AK5: variants seen among roughly 807,000 people sequenced by gnomAD.
AK5 encodes adenylate kinase 5.
A neutral mutation model predicts 69.5 loss-of-function variants in AK5; 27 were observed. The ratio of observed to expected loss-of-function variants is 0.39; its 90% CI spans 0.29 to 0.54. The LOEUF (loss-of-function observed/expected upper bound fraction) is 0.54. Among genes scored for constraint, AK5 ranks in the 20% least tolerant of loss-of-function variants. The pLI is 0.71. For synonymous variants in AK5, 260 were observed against 244.4 expected (o/e 1.06, Z -0.60); for missense variants, 531 against 700.4 (o/e 0.76, Z 2.73).
chr1:77,370,346 AACAG>A (rs1647096896), intron 6 of AK5, among the ~76,000 whole-genome samples: 1 of 152,194 alleles, frequency 6.6e-6, no homozygotes, highest in Admixed American at 6.5e-5. Flanking sequence ...GGAAGCAACT[AACAG>A]ACAAACTCTG....
chr1:77,475,997 A>T (rs1366337867), intron 8 of AK5, among the ~76,000 whole-genome samples: 1 of 152,180 alleles, frequency 6.6e-6, no homozygotes, highest in African/African-American at 2.4e-5. Context: ...TTCTTATTAG[A>T]GACACTAATA....
intron 8 of AK5, among the ~76,000 whole-genome samples, chr1:77,443,198 C>T (rs1222622550): frequency 1.3e-5 from 2 of 152,140 alleles, no homozygotes; most frequent in Admixed American, 6.6e-5. Flanking sequence ...GTATCTCTTA[C>T]TCAAAATTAT....
chr1:77,331,107 C>T (rs1390835819), intron 5 of AK5, among the ~76,000 whole-genome samples: 1 of 151,976 alleles, frequency 6.6e-6, no homozygotes, highest in East Asian at 1.9e-4. Context: ...GCTAAATTTG[C>T]ATATTCTAAT....
intron 6 of AK5, chr1:77,349,370 A>G (rs1050011402): frequency 2.6e-5 from 4 of 152,214 alleles, no homozygotes; most frequent in African/African-American, 9.6e-5. Flanking sequence ...TGGGGCAGAT[A>G]CTATTATTAT....
At chr1:77,408,432 T>C (rs1557569097) in intron 6 of AK5, among the ~76,000 whole-genome samples, 1 of 152,180 alleles carries the variant, frequency 6.6e-6, no homozygotes, top group Non-Finnish European at 1.5e-5. Context: ...AAGTCTTTTT[T>C]TGAGAAGTGT....
chr1:77,398,929 T>C (rs939101395), intron 6 of AK5, among the ~76,000 whole-genome samples: 5 of 152,108 alleles, frequency 3.3e-5, no homozygotes, highest in African/African-American at 1.2e-4. Context: ...ATTCTAAAAG[T>C]TTATTTATTT....
intron 10 of AK5, among the ~76,000 whole-genome samples, chr1:77,500,899 C>T (rs1656680614): frequency 6.6e-6 from 1 of 152,112 alleles, no homozygotes; most frequent in Admixed American, 6.5e-5. Context: ...TCCTACCCAT[C>T]CCAGAACCTA....
intron 5 of AK5, among the ~76,000 whole-genome samples, chr1:77,336,228 T>A (rs1395707624): frequency 6.6e-6 from 1 of 151,932 alleles, no homozygotes; most frequent in East Asian, 1.9e-4. Context: ...ACTACAGGCA[T>A]GCGCCACCAC....
chr1:77,283,350 G>A (rs1658170643), intron 1 of AK5: 1 of 985,262 alleles, frequency 1.0e-6, no homozygotes, highest in South Asian at 4.7e-5. Context: ...GCTCTGAAAG[G>A]AGAAATCCAT....
At chr1:77,482,197 A>G (rs928141355) in intron 8 of AK5, among the ~76,000 whole-genome samples, 3 of 152,226 alleles carry the variant, frequency 2.0e-5, no homozygotes, top group African/African-American at 7.2e-5. Context: ...TTGCCTCAAG[A>G]AAAATCTGTA....
chr1:77,288,787 G>T (rs369463601), intron 2 of AK5, among the ~76,000 whole-genome samples: 94 of 152,262 alleles, frequency 6.2e-4, no homozygotes, highest in African/African-American at 2.2e-3. Context: ...GAAAATTTTT[G>T]ATGTGACTAT....
At chr1:77,350,993 A>G (rs1159348011) in intron 6 of AK5, among the ~76,000 whole-genome samples, 1 of 152,232 alleles carries the variant, frequency 6.6e-6, no homozygotes, top group Non-Finnish European at 1.5e-5. Flanking sequence ...ATTTATTTTC[A>G]TGGCAGACAG....
chr1:77,466,048 T>C (rs1175962237), intron 8 of AK5, among the ~76,000 whole-genome samples: 1 of 152,162 alleles, frequency 6.6e-6, no homozygotes, highest in Non-Finnish European at 1.5e-5. Flanking sequence ...TCGTTGCTCC[T>C]GGGATAAAAC....
intron 5 of AK5, among the ~76,000 whole-genome samples, chr1:77,318,643 C>T (rs116018052): frequency 6.6e-5 from 10 of 152,112 alleles, no homozygotes; most frequent in Admixed American, 3.3e-4. Flanking sequence ...GAGCAGGACC[C>T]GGCTTGTTTT....
At chr1:77,556,296 A>C (rs1430524975) in intron 13 of AK5, among the ~76,000 whole-genome samples, 1 of 152,112 alleles carries the variant, frequency 6.6e-6, no homozygotes, top group African/African-American at 2.4e-5. Flanking sequence ...GGATTTCGTG[A>C]TAATCATTTC....
chr1:77,483,406 T>C (rs1557626090), intron 9 of AK5, 47 bp downstream of exon 9: 3 of 1,438,896 alleles, frequency 2.1e-6, no homozygotes, highest in Non-Finnish European at 2.9e-6. Flanking sequence ...TTTAGTAACT[T>C]TGACCATGCC....
intron 6 of AK5, among the ~76,000 whole-genome samples, chr1:77,403,071 T>G (rs1224458088): frequency 6.6e-6 from 1 of 152,206 alleles, no homozygotes; most frequent in African/African-American, 2.4e-5. Flanking sequence ...TTTTCATGTG[T>G]TTTTTGGCTG....
chr1:77,430,992 T>C (rs952361514), intron 8 of AK5, among the ~76,000 whole-genome samples: 1 of 152,158 alleles, frequency 6.6e-6, no homozygotes, highest in African/African-American at 2.4e-5. Flanking sequence ...GACTGGGTTC[T>C]CCAGCCCTGG....
At chr1:77,438,106 T>C (rs941060120) in intron 8 of AK5, among the ~76,000 whole-genome samples, 1 of 152,030 alleles carries the variant, frequency 6.6e-6, no homozygotes. Context: ...AGCCCTCTCT[T>C]TTTTTGTTAT....
Sources: allele counts gnomAD v4.1 joint callset (sites outside exome capture counted in the v4.1 genomes callset), GRCh38; gene constraint gnomAD v4.1.1; transcripts MANE v1.5; gene names NCBI Gene and HGNC (gene_info 2026-07-23, HGNC 2026-07-21).